Variants in ARHGAP1 observed in about 807,000 individuals in gnomAD.
ARHGAP1 encodes rho GTPase-activating protein 1.
In ARHGAP1, 23 loss-of-function variants were observed where a neutral mutation model predicts 52.2. The observed-to-expected ratio is 0.44, with a 90% CI of 0.32 to 0.62. The LOEUF (loss-of-function observed/expected upper bound fraction) is 0.62, where lower values mean the gene tolerates loss of function less well. ARHGAP1 is among the 20% of genes least tolerant of loss of function. The pLI is 0.05. For synonymous variants in ARHGAP1, 210 were observed against 228.4 expected (o/e 0.92, Z 0.73); for missense variants, 480 against 560.9 (o/e 0.86, Z 1.46).
In ARHGAP1 at chr11:46,679,039, A is replaced by G; in HGVS notation, c.1318T>C (p.Ter440ArgextTer12). 6 of 1,614,080 alleles carry G rather than the reference A, an allele frequency of 3.7e-6. No homozygotes were observed. Among genetic ancestry groups the G allele is most frequent in the Non-Finnish European group, 8.5e-7 (1 of 1,179,940 alleles). ...GGCTGGTGGGGCAGGGGCCAGGTTCAGAGCCCGCTGGGGTCCGGGCTTGGG... is the reference window on the plus strand; with the variant it reads ...GGCTGGTGGGGCAGGGGCCAGGTTCGGAGCCCGCTGGGGTCCGGGCTTGGG... The part of the protein sequence containing the change: ...LFPSPDPSGL[*>R] Residue 440 changes from the stop codon to arginine, a stop_lost, in exon 13 of 13, where the codon TGA (stop) becomes CGA (arginine). Transcript: ENST00000311956. The surrounding 1 kb of genome is among the most constrained non-coding windows in gnomAD (Gnocchi z 4.4).
chr11:46,681,096 G>A lies in ARHGAP1; in HGVS notation c.550C>T (p.Gln184Ter), dbSNP rs1190217745. Residue 184 changes from glutamine to a stop codon, truncating the protein, a stop_gained, in exon 7 of 13, where the codon CAG (glutamine) becomes TAG (stop). Coordinates refer to ENST00000311956, the MANE Select transcript of ARHGAP1 (RefSeq NM_004308.5). LOFTEE classifies it high-confidence loss of function. This position sits in a 1 kb window ranked among gnomAD's most constrained non-coding sequence, Gnocchi z 5.7. ...AGGTAATTCACATAGAAGATCTTCT[G>A]CCCGAACTTGAAGCTGTTGGTGGAA... is the stretch of plus-strand genomic sequence containing the variant. ...FKPLISFKFGQKIFYVNYLSE... is the reference protein window; with the variant it reads ...FKPLISFKFG The A allele has an allele frequency of 6.2e-7, 1 of 1,614,126 alleles. No individual in the cohort carries two copies. Among genetic ancestry groups the A allele is most frequent in the Non-Finnish European group, 8.5e-7 (1 of 1,180,024 alleles).
At chr11:46,693,267 A>T (rs970199071) in intron 3 of ARHGAP1, among the ~76,000 whole-genome samples, 4 of 148,408 alleles carry the variant, frequency 2.7e-5, no homozygotes, top group African/African-American at 9.9e-5. Context: ...AAGTGCTGGG[A>T]TTACTAGGTG....
chr11:46,679,307 A>C lies in ARHGAP1; in HGVS notation c.1131+58T>G. 1 of 1,605,356 alleles carries C rather than the reference A, an allele frequency of 6.2e-7. No homozygotes were observed. Among genetic ancestry groups the C allele is most frequent in the South Asian group, 1.1e-5 (1 of 90,640 alleles). ...AGCAACAATGACCAGGGCGCAGAGG[A>C]GGCGGCAGCTCCTCCTTCCCCCTCC... On this transcript the variant is annotated intron_variant, in intron 12 of 12. Transcript: ENST00000311956. The surrounding 1 kb of genome is among the most constrained non-coding windows in gnomAD (Gnocchi z 4.4).
rs193004196 is a variant in ARHGAP1 at position 46,684,432 on chromosome 11, G to T, written c.318-2250C>A. Among the ~76,000 whole-genome samples the T allele has an allele frequency of 3.9e-3, 590 of 152,178 alleles. 3 individuals carry two copies. The highest frequency in any genetic ancestry group is 0.014 in the African/African-American group (576 of 41,492). On this transcript the variant is annotated intron_variant, in intron 4 of 12. Transcript: ENST00000311956. ...TTGTCCTAAGGAAATAATCTGAGAT[G>T]AACGAAAACATTTTTGTAGAAGGCT...
chr11:46,699,328 T>C (rs2064680595), intron 1 of ARHGAP1, among the ~76,000 whole-genome samples: 1 of 152,166 alleles, frequency 6.6e-6, no homozygotes, highest in Admixed American at 6.6e-5. Context: ...AGGGCCTATA[T>C]AGGACCATGA....
chr11:46,684,086 A>G (rs2064550509), intron 4 of ARHGAP1, among the ~76,000 whole-genome samples: 1 of 152,072 alleles, frequency 6.6e-6, no homozygotes, highest in Non-Finnish European at 1.5e-5. Flanking sequence ...CCAGAGCTTG[A>G]CCTAACCCAG....
At chr11:46,694,206 C>A (rs1474848959) in intron 3 of ARHGAP1, among the ~76,000 whole-genome samples, 1 of 152,194 alleles carries the variant, frequency 6.6e-6, no homozygotes, top group Non-Finnish European at 1.5e-5. Context: ...AAGCTCCTTT[C>A]CCTTTGGGGC....
chr11:46,691,443 C>A (rs1032700822), intron 3 of ARHGAP1, among the ~76,000 whole-genome samples: 1 of 126,276 alleles, frequency 7.9e-6, no homozygotes, highest in Non-Finnish European at 1.6e-5. Flanking sequence ...TGCCAGCACA[C>A]CAGGCTAATT....
intron 3 of ARHGAP1, among the ~76,000 whole-genome samples, chr11:46,691,099 G>C (rs1463319668): frequency 6.6e-6 from 1 of 152,058 alleles, no homozygotes; most frequent in Non-Finnish European, 1.5e-5. Context: ...TGTTGCCCAG[G>C]CTAGTCTTGA....
Position 46,682,143 on chromosome 11 carries a change from G to C in ARHGAP1, c.357C>G (p.Asp119Glu). 6.2e-7 allele frequency: 1 copy of C among 1,614,188 alleles called. No homozygotes were observed. The highest frequency in any genetic ancestry group is 8.5e-7 in the Non-Finnish European group (1 of 1,180,020). Residue 119 changes from aspartate to glutamate, a missense_variant, in exon 5 of 13, where the codon GAC (aspartate) becomes GAG (glutamate). Coordinates refer to ENST00000311956, the MANE Select transcript of ARHGAP1 (RefSeq NM_004308.5). ...CGTGGTGCAGATACAGAAGTGTGTA[G>C]TCACTCTCCACGTACTGGTCCAGGG... ...KHTLDQYVESDYTLLYLHHGL... is the reference protein window; with the variant it reads ...KHTLDQYVESEYTLLYLHHGL...
At chr11:46,692,939 G>A (rs1303591301) in intron 3 of ARHGAP1, among the ~76,000 whole-genome samples, 2 of 151,062 alleles carry the variant, frequency 1.3e-5, no homozygotes, top group African/African-American at 2.4e-5. Context: ...TGCAAGCTCC[G>A]CCTCCCGGGT....
intron 3 of ARHGAP1, chr11:46,695,389 A>C (rs367665868): frequency 1.0e-5 from 5 of 499,756 alleles, no homozygotes; most frequent in South Asian, 3.6e-5. Flanking sequence ...TACTTATTCA[A>C]GGCCAACTGT....
chr11:46,678,567 A>C lies in ARHGAP1; in HGVS notation c.*470T>G, dbSNP rs933793125. On this transcript the variant is annotated 3_prime_UTR_variant, in exon 13 of 13. Transcript: ENST00000311956. Reference sequence around the variant, plus strand: ...TCATGCAGTGGGGCTTCTGCAAAGCAGGGCAGCCTACCAGATAGGGAGGCA... The same window carrying C: ...TCATGCAGTGGGGCTTCTGCAAAGCCGGGCAGCCTACCAGATAGGGAGGCA... 1 of 179,788 alleles carries C rather than the reference A, an allele frequency of 5.6e-6. No individual in the cohort carries two copies. Among genetic ancestry groups the C allele is most frequent in the African/African-American group, 2.4e-5 (1 of 41,618 alleles). 11.1% of individuals were successfully genotyped at this position (179,788 alleles called of 1,614,324 possible). A position where few individuals can be genotyped will look rare whatever the true frequency, so the allele number is the denominator to read the frequency against.
At chr11:46,683,179 C>G (rs1369147014) in intron 4 of ARHGAP1, among the ~76,000 whole-genome samples, 1 of 151,962 alleles carries the variant, frequency 6.6e-6, no homozygotes, top group Non-Finnish European at 1.5e-5. Context: ...GTAGGAACCG[C>G]AGGTGTGAGC....
In ARHGAP1 at chr11:46,677,966, C is replaced by T. The variant is rs2064492832; in HGVS notation, c.*1071G>A. On this transcript the variant is annotated 3_prime_UTR_variant, in exon 13 of 13. Coordinates refer to ENST00000311956, the MANE Select transcript of ARHGAP1 (RefSeq NM_004308.5). ...TCAGAAAAAAAAAAAAAAAGGTGGC[C>T]CTAGAGCCCCTTAATCCCCTGGGGA... The T allele has an allele frequency of 4.5e-6, 2 of 440,132 alleles. No individual in the cohort carries two copies. The highest frequency in any genetic ancestry group is 9.0e-6 in the Non-Finnish European group (2 of 222,156). 27.3% of individuals were successfully genotyped at this position (440,132 alleles called of 1,614,324 possible).
rs761884877 is a variant in ARHGAP1, at chr11:46,682,111, G to C, written c.389C>G (p.Thr130Ser). 1 of 1,614,186 alleles carries C rather than the reference G, an allele frequency of 6.2e-7. No homozygotes were observed. Among genetic ancestry groups the C allele is most frequent in the East Asian group, 2.2e-5 (1 of 44,878 alleles). ...GCTGAGGGAGGGCTTGTTGTCGCTG[G>C]TCAGGCCGTGGTGCAGATACAGAAG... ...YTLLYLHHGL[T>S]SDNKPSLSWL... Residue 130 changes from threonine to serine, a missense_variant, in exon 5 of 13, where the codon ACC becomes AGC. Transcript: ENST00000311956.
chr11:46,686,974 C>T (rs1471668779), intron 4 of ARHGAP1: 1 of 152,356 alleles, frequency 6.6e-6, no homozygotes, highest in Non-Finnish European at 1.5e-5. Context: ...TTGAGGACTT[C>T]CTGAAGCCAA....
chr11:46,681,259 G>C lies in ARHGAP1; in HGVS notation c.536+34C>G. On this transcript the variant is annotated intron_variant, in intron 6 of 12. Coordinates refer to ENST00000311956, the MANE Select transcript of ARHGAP1 (RefSeq NM_004308.5). This position sits in a 1 kb window ranked among gnomAD's most constrained non-coding sequence, Gnocchi z 5.7. ...CTCCCAGCTTCAGAGTTCCAGGCAA[G>C]CCGGGACCACCAGCCCTGCCCGTGG... 2 of 1,589,536 alleles carry C rather than the reference G, an allele frequency of 1.3e-6. No individual in the cohort carries two copies.
At position 46,677,117 on chromosome 11, in the gene ARHGAP1, A is replaced by C. The variant is rs572459344; in HGVS notation, c.*1920T>G. On this transcript the variant is annotated 3_prime_UTR_variant, in exon 13 of 13. Coordinates refer to ENST00000311956, the MANE Select transcript of ARHGAP1 (RefSeq NM_004308.5). ...ATTTTTATTGAAATACAAAAAGTGC[A>C]AACGGTGAAATACATGATTGGTGCC... 6.5e-6 allele frequency: 1 copy of C among 152,786 alleles called. No homozygotes were observed. Among genetic ancestry groups the C allele is most frequent in the African/African-American group, 2.4e-5 (1 of 41,590 alleles). The allele number at this position is 152,786 out of a possible 1,614,324, so 9.5% of individuals were successfully genotyped here.
Sources: gnomAD v4.1 joint callset for allele counts (sites outside exome capture counted in the v4.1 genomes callset) on GRCh38, gnomAD v4.1.1 for gene constraint, Gnocchi (gnomAD v3.1) non-coding constraint, MANE v1.5 for transcripts, NCBI Gene and HGNC (gene_info 2026-07-23, HGNC 2026-07-21) for gene names.